Variants in ADGRB3 observed in about 807,000 individuals in gnomAD.
The protein encoded by ADGRB3 is adhesion G protein-coupled receptor B3, also known as brain-specific angiogenesis inhibitor 3.
A neutral mutation model predicts 193.4 loss-of-function variants in ADGRB3; 37 were observed. The observed-to-expected ratio is 0.19, with a 90% CI of 0.15 to 0.25. ADGRB3 has a LOEUF of 0.25. Ranked by LOEUF, ADGRB3 falls within the 10% of genes least tolerant of loss-of-function variation. The probability of loss-of-function intolerance (pLI) is 1.00; values close to 1 mark genes in which losing one functional copy is unlikely to be tolerated. For synonymous variants in ADGRB3, 690 were observed against 644.2 expected (o/e 1.07, Z -1.08); for missense variants, 1,637 against 1,852.9 (o/e 0.88, Z 2.14).
chr6:68,917,491 TC>T lies in ADGRB3; in HGVS notation c.758-13066del, dbSNP rs201168483. ...ATTTGAAGATAATTACTATTTTTTT[TC>T]CTGAAGTTTTCTTGTTTCAAGTTAA... On this transcript the variant is annotated intron_variant, in intron 3 of 31. Transcript: ENST00000370598. 3.9e-3 allele frequency among the ~76,000 whole-genome samples: 594 copies of T among 151,690 alleles called. 2 individuals carry two copies. The highest frequency in any genetic ancestry group is 6.8e-3 in the Non-Finnish European group (463 of 67,864).
intron 20 of ADGRB3, among the ~76,000 whole-genome samples, chr6:69,255,170 G>A (rs13207191): frequency 2.2e-4 from 33 of 152,138 alleles, no homozygotes; most frequent in Non-Finnish European, 3.7e-4. Context: ...ATAAACATAC[G>A]TGTGCATGTG....
chr6:69,017,459 A>G (rs1770127896), intron 12 of ADGRB3, among the ~76,000 whole-genome samples: 1 of 151,964 alleles, frequency 6.6e-6, no homozygotes, highest in African/African-American at 2.4e-5. Flanking sequence ...ATGACTTTAT[A>G]AGCTTTATGG....
chr6:68,741,924 A>G (rs1020381077), intron 3 of ADGRB3, among the ~76,000 whole-genome samples: 3 of 152,324 alleles, frequency 2.0e-5, no homozygotes, highest in East Asian at 1.9e-4. Flanking sequence ...ACGAGTTCAC[A>G]TGTTGTTTAA....
At chr6:69,177,446 T>C (rs1470528368) in intron 17 of ADGRB3, among the ~76,000 whole-genome samples, 1 of 152,112 alleles carries the variant, frequency 6.6e-6, no homozygotes, top group African/African-American at 2.4e-5. Context: ...AAGCTCTGCC[T>C]CCCGGGTTCA....
At position 68,766,357 on chromosome 6, in the gene ADGRB3, T is replaced by C. The variant is rs537678389; in HGVS notation, c.757+126925T>C. ...ACTATACTAGTTCCTTCATACGTAG[T>C]ATGAACTTTTTCAAGGACCATACGT... On this transcript the variant is annotated intron_variant, in intron 3 of 31. Coordinates refer to ENST00000370598, the MANE Select transcript of ADGRB3 (RefSeq NM_001704.3). Among the ~76,000 whole-genome samples the C allele has an allele frequency of 3.3e-5, 5 of 152,020 alleles. No homozygotes were observed. The South Asian group carries it at 1.0e-3, about 32-fold the overall frequency.
intron 17 of ADGRB3, among the ~76,000 whole-genome samples, chr6:69,182,605 A>T (rs961186905): frequency 6.6e-6 from 1 of 151,160 alleles, no homozygotes; most frequent in African/African-American, 2.4e-5. Context: ...TTTTTCCCTT[A>T]TTTTTTTTCA....
chr6:68,855,878 A>T (rs1197901840), intron 3 of ADGRB3, among the ~76,000 whole-genome samples: 4 of 152,184 alleles, frequency 2.6e-5, no homozygotes, highest in African/African-American at 9.6e-5. Context: ...TTTAAAAATT[A>T]GGCAGTGATA....
intron 16 of ADGRB3, among the ~76,000 whole-genome samples, chr6:69,069,180 T>C (rs1368924969): frequency 6.6e-6 from 1 of 152,134 alleles, no homozygotes. Context: ...ATCATAACTT[T>C]GAGAACATAT....
chr6:69,313,178 T>A (rs1768234418), intron 20 of ADGRB3, among the ~76,000 whole-genome samples: 1 of 151,876 alleles, frequency 6.6e-6, no homozygotes, highest in Non-Finnish European at 1.5e-5. Context: ...TTAGCAATTC[T>A]ATGCTTGGGC....
At chr6:68,680,570 C>T (rs2127297965) in intron 3 of ADGRB3, among the ~76,000 whole-genome samples, 1 of 152,180 alleles carries the variant, frequency 6.6e-6, no homozygotes, top group South Asian at 2.1e-4. Flanking sequence ...ATCCCAAAGT[C>T]TTTGAGGCTC....
chr6:69,031,531 T>TTCTA (rs1770690308), intron 13 of ADGRB3, among the ~76,000 whole-genome samples: 1 of 55,174 alleles, frequency 1.8e-5, no homozygotes, highest in Non-Finnish European at 4.2e-5. Flanking sequence ...CTTTCTTTCT[T>TTCTA]TCTTTCTTTC....
chr6:69,235,118 C>T lies in ADGRB3; in HGVS notation c.2694C>T (p.Val898=), dbSNP rs752276759. 2 of 1,608,044 alleles carry T rather than the reference C, an allele frequency of 1.2e-6. No homozygotes were observed. Residue 898 remains valine (V), a synonymous_variant, in exon 19 of 32, where the codon GTC becomes GTT. Transcript: ENST00000370598. ...SCLALITLAV[V]YAALWRYIRS... ...TGGCCTTGATTACCCTAGCAGTTGT[C>T]TATGCAGCATTATGGAGGTAAGTAA...
chr6:68,644,850 T>C (rs1327177523), intron 3 of ADGRB3, among the ~76,000 whole-genome samples: 4 of 152,194 alleles, frequency 2.6e-5, no homozygotes, highest in African/African-American at 9.6e-5. Flanking sequence ...TGTTTGTATG[T>C]ATACAATGTA....
At chr6:69,201,467 C>G (rs1765415701) in intron 17 of ADGRB3, among the ~76,000 whole-genome samples, 1 of 151,684 alleles carries the variant, frequency 6.6e-6, no homozygotes, top group African/African-American at 2.4e-5. Context: ...TATTTTCTCT[C>G]CCTCCTTCTA....
At chr6:68,960,053 C>G (rs1427846144) in intron 8 of ADGRB3, among the ~76,000 whole-genome samples, 1 of 152,168 alleles carries the variant, frequency 6.6e-6, no homozygotes, top group Non-Finnish European at 1.5e-5. Context: ...TACTGCTGGA[C>G]TGTCCTAAGT....
At chr6:68,879,924 C>T (rs1044837235) in intron 3 of ADGRB3, among the ~76,000 whole-genome samples, 5 of 152,290 alleles carry the variant, frequency 3.3e-5, no homozygotes, top group Middle Eastern at 3.4e-3. Context: ...AGATATGAGG[C>T]TTTCACTCTT....
intron 3 of ADGRB3, among the ~76,000 whole-genome samples, chr6:68,661,395 GTATACATATATA>G (rs1211857284): frequency 0.11 from 6,482 of 60,994 alleles, 221 homozygotes; most frequent in Non-Finnish European, 0.13. Context: ...ATATATGTGT[GTATACATATATA>G]TGTGTGTGTA....
rs528432733 is a variant in ADGRB3, at chr6:69,185,882, T to TA, written c.2481-47401dup. Among the ~76,000 whole-genome samples, 5 of 152,102 alleles carry TA rather than the reference T, an allele frequency of 3.3e-5. 1 individual carries two copies. Among genetic ancestry groups the TA allele is most frequent in the African/African-American group, 9.7e-5 (4 of 41,442 alleles). ...ATTCATTTTGAATTTGTATTTCCAA[T>TA]AAAAAAATCTGTGTATTAAGTCTTT... On this transcript the variant is annotated intron_variant, in intron 17 of 31. Transcript: ENST00000370598.
At chr6:68,772,886 AAAAAAAAAATATATATATATATATATAT>A (rs1333870301) in intron 3 of ADGRB3, among the ~76,000 whole-genome samples, 2,911 of 41,530 alleles carry the variant, frequency 0.07, 203 homozygotes, top group African/African-American at 0.23. Context: ...AACAAACAAA[AAAAAAAAAATATATATATATATATATAT>A]ATATATATAT....
Sources: allele counts gnomAD v4.1 joint callset (sites outside exome capture counted in the v4.1 genomes callset), GRCh38; gene constraint gnomAD v4.1.1; transcripts MANE v1.5; gene names NCBI Gene and HGNC (gene_info 2026-07-23, HGNC 2026-07-21).